Variants in LARP1B observed in about 807,000 individuals in gnomAD.
LARP1B encodes la-related protein 1B.
Under a neutral mutation model 114.2 loss-of-function variants are expected in LARP1B, and 76 were observed. That is an observed-to-expected ratio of 0.67 (90% confidence interval 0.55 to 0.81). LARP1B has a LOEUF of 0.81. LARP1B is among the 30% of genes least tolerant of loss of function. The pLI, the probability that LARP1B is intolerant of heterozygous loss-of-function variation, is 0.00. For missense variants in LARP1B, 1,014 were observed against 1,075.8 expected, an observed-to-expected ratio of 0.94 and a Z score of 0.80; for synonymous variants, 345 against 348.0, an observed-to-expected ratio of 0.99 and a Z score of 0.10.
intron 19 of LARP1B, among the ~76,000 whole-genome samples, chr4:128,208,782 G>A (rs938074919): frequency 6.6e-5 from 10 of 152,122 alleles, no homozygotes; most frequent in Admixed American, 2.0e-4. Context: ...GTACTTAAAC[G>A]TTTGAAGATG....
intron 19 of LARP1B, among the ~76,000 whole-genome samples, chr4:128,208,327 CAAAAAAA>C (rs113495376): frequency 1.8e-5 from 1 of 56,546 alleles, no homozygotes; most frequent in South Asian, 5.4e-4. Flanking sequence ...GACTCTGTCT[CAAAAAAA>C]AAAAAAAAAG....
intron 7 of LARP1B, chr4:128,222,296 T>A: frequency 2.2e-6 from 1 of 456,386 alleles, no homozygotes; most frequent in Admixed American, 2.4e-5. Flanking sequence ...ACACCTTCAG[T>A]TTTAGTTCTT....
chr4:128,069,957 A>G (rs1764568411), intron 1 of LARP1B, among the ~76,000 whole-genome samples: 1 of 152,150 alleles, frequency 6.6e-6, no homozygotes, highest in Non-Finnish European at 1.5e-5. Context: ...ATTTTAAGTA[A>G]GTTATATAGA....
intron 1 of LARP1B, among the ~76,000 whole-genome samples, chr4:128,063,506 G>A (rs1761200455): frequency 6.7e-6 from 1 of 149,934 alleles, no homozygotes; most frequent in Admixed American, 6.7e-5. Context: ...CTGGCCGGGC[G>A]CGGTGGCTCA....
intron 7 of LARP1B, 123 bp from the exon 8 acceptor site, chr4:128,098,063 C>T (rs1778724747): frequency 2.8e-6 from 2 of 720,040 alleles, no homozygotes; most frequent in Non-Finnish European, 4.6e-6. Context: ...TAGAGCTATA[C>T]ATATTGTTAA....
intron 15 of LARP1B, among the ~76,000 whole-genome samples, chr4:128,184,429 A>T (rs559755459): frequency 1.3e-4 from 20 of 152,294 alleles, no homozygotes; most frequent in South Asian, 2.1e-4. Context: ...TACAGTTTTT[A>T]AAAAAATTGA....
chr4:128,179,072 AAC>A (rs1413992390), intron 14 of LARP1B, among the ~76,000 whole-genome samples: 1 of 152,194 alleles, frequency 6.6e-6, no homozygotes, highest in Non-Finnish European at 1.5e-5. Flanking sequence ...CAGCCTTGGC[AAC>A]AGAGTAAGAC....
chr4:128,156,279 C>A, intron 11 of LARP1B: 5 of 923,328 alleles, frequency 5.4e-6, no homozygotes, highest in Non-Finnish European at 8.5e-6. Context: ...GTCCAGCTGG[C>A]CTGGACAGTA....
At chr4:128,172,967 G>GTGTGTGTA (rs2150574268) in intron 12 of LARP1B, among the ~76,000 whole-genome samples, 1 of 151,684 alleles carries the variant, frequency 6.6e-6, no homozygotes, top group Admixed American at 6.6e-5. Context: ...GTGTGTGTGT[G>GTGTGTGTA]TGTGTATGTG....
At chr4:128,216,857 C>G (rs1759527461), downstream of LARP1B, among the ~76,000 whole-genome samples, 1 of 152,086 alleles carries the variant, frequency 6.6e-6, no homozygotes, top group South Asian at 2.1e-4. Context: ...AATCCAGGAG[C>G]TGGTTTTTTG....
intron 15 of LARP1B, among the ~76,000 whole-genome samples, chr4:128,185,841 C>G (rs114200395): frequency 0.024 from 3,647 of 152,156 alleles, 132 homozygotes; most frequent in African/African-American, 0.084. Context: ...AGTCTTTAGT[C>G]CATTTTGATT....
chr4:128,152,498 G>A (rs151203968), intron 11 of LARP1B, among the ~76,000 whole-genome samples: 3,021 of 151,770 alleles, frequency 0.02, 67 homozygotes, highest in East Asian at 0.11. Context: ...CACTGCGCCC[G>A]GCCAACATGG....
chr4:128,180,949 C>T (rs1204400414), intron 15 of LARP1B, among the ~76,000 whole-genome samples: 2 of 152,138 alleles, frequency 1.3e-5, no homozygotes, highest in Non-Finnish European at 2.9e-5. Context: ...ATTATGCCAA[C>T]TTTCTTTAGA....
intron 11 of LARP1B, among the ~76,000 whole-genome samples, chr4:128,124,871 G>A (rs1454207888): frequency 6.6e-6 from 1 of 152,100 alleles, no homozygotes; most frequent in East Asian, 1.9e-4. Flanking sequence ...AAAATAATCA[G>A]GTGTGTCAGC....
At chr4:128,180,931 T>C (rs185479173) in intron 15 of LARP1B, among the ~76,000 whole-genome samples, 1 of 152,334 alleles carries the variant, frequency 6.6e-6, no homozygotes, top group East Asian at 1.9e-4. Context: ...TTGTCTGATA[T>C]TTATATAATT....
intron 11 of LARP1B, among the ~76,000 whole-genome samples, chr4:128,129,831 A>G (rs1790990023): frequency 1.3e-5 from 2 of 152,320 alleles, no homozygotes; most frequent in South Asian, 4.1e-4. Context: ...GTGAAAAAAA[A>G]AAAATGAATC....
At chr4:128,168,278 G>T (rs540875286) in intron 12 of LARP1B, among the ~76,000 whole-genome samples, 116 of 150,814 alleles carry the variant, frequency 7.7e-4, no homozygotes, top group African/African-American at 2.6e-3. Flanking sequence ...AGTATTGTTA[G>T]TTTTTTTTTT....
intron 11 of LARP1B, 67 bp from the exon 12 acceptor site, chr4:128,162,127 A>T: frequency 6.8e-7 from 1 of 1,461,950 alleles, no homozygotes; most frequent in South Asian, 1.2e-5. Context: ...TGAGGTTGGT[A>T]TCAATTATTG....
chr4:128,073,580 T>TG (rs1766440402), intron 1 of LARP1B, among the ~76,000 whole-genome samples: 5 of 19,946 alleles, frequency 2.5e-4, no homozygotes, highest in African/African-American at 3.5e-4. Context: ...TCGTTTTTTT[T>TG]TTTTTTTTTT....
Sources: gnomAD v4.1 joint callset for allele counts (sites outside exome capture counted in the v4.1 genomes callset) on GRCh38, gnomAD v4.1.1 for gene constraint, MANE v1.5 for transcripts, NCBI Gene and HGNC (gene_info 2026-07-23, HGNC 2026-07-21) for gene names.